The following PABPC4L variants were observed in gnomAD, a reference collection of about 807,000 sequenced individuals.
PABPC4L encodes polyadenylate-binding protein 4-like.
For missense variants in PABPC4L, 452 were observed against 451.4 expected, an observed-to-expected ratio of 1.00 and a Z score of -0.01; for synonymous variants, 169 against 164.1, an observed-to-expected ratio of 1.03 and a Z score of -0.23.
At chr4:134,094,255 G>T in the PABPC4L span, among the ~76,000 whole-genome samples, 1 of 151,650 alleles carries the variant, frequency 6.6e-6, no homozygotes, top group Non-Finnish European at 1.5e-5. Context: ...TTATTGAAAG[G>T]TATCCTCAAC....
chr4:134,065,703 C>G, the PABPC4L span, among the ~76,000 whole-genome samples: 2 of 151,826 alleles, frequency 1.3e-5, no homozygotes, highest in African/African-American at 4.8e-5. Context: ...CATTCTATGA[C>G]CAGAATAGTA....
At chr4:134,056,496 T>G in the PABPC4L span, among the ~76,000 whole-genome samples, 8 of 151,958 alleles carry the variant, frequency 5.3e-5, no homozygotes, top group Non-Finnish European at 1.0e-4. Flanking sequence ...TCTATTTACA[T>G]TTTTCATTTC....
At chr4:133,950,933 G>T in the PABPC4L span, among the ~76,000 whole-genome samples, 1 of 152,124 alleles carries the variant, frequency 6.6e-6, no homozygotes, top group Admixed American at 6.5e-5. Flanking sequence ...CTTTCCAAAG[G>T]TTTGTATCAC....
At chr4:134,032,788 T>C in the PABPC4L span, among the ~76,000 whole-genome samples, 1 of 151,826 alleles carries the variant, frequency 6.6e-6, no homozygotes, top group African/African-American at 2.4e-5. Flanking sequence ...CTTTAATTAT[T>C]CTAGAAAAAA....
chr4:134,072,157 C>T, the PABPC4L span, among the ~76,000 whole-genome samples: 1 of 152,178 alleles, frequency 6.6e-6, no homozygotes, highest in Middle Eastern at 3.4e-3. Context: ...ACATAAATCA[C>T]AAAATGCCTT....
At chr4:133,971,725 A>G in the PABPC4L span, among the ~76,000 whole-genome samples, 2 of 152,116 alleles carry the variant, frequency 1.3e-5, no homozygotes, top group African/African-American at 4.8e-5. Context: ...TTCTGTTTTT[A>G]GCATGTACCA....
downstream of PABPC4L, among the ~76,000 whole-genome samples, chr4:134,193,236 C>T (rs183650461): frequency 3.0e-4 from 45 of 151,314 alleles, no homozygotes; most frequent in Admixed American, 7.2e-4. Context: ...AGAGTTGAAA[C>T]TTACTTTACT....
At chr4:134,045,128 C>A in the PABPC4L span, among the ~76,000 whole-genome samples, 1 of 152,026 alleles carries the variant, frequency 6.6e-6, no homozygotes, top group African/African-American at 2.4e-5. Flanking sequence ...TTATACTTTA[C>A]TAACATTATG....
chr4:134,199,772 C>A lies in PABPC4L; in HGVS notation c.*135G>T. On this transcript the variant is annotated 3_prime_UTR_variant, in exon 2 of 2. Coordinates refer to ENST00000421491, the MANE Select transcript of PABPC4L (RefSeq NM_001114734.2). ...AAAAAAAATGGCTTTGTATAAAAAA[C>A]GTTTTATCATAAAGTTTACTAAACT... The A allele has an allele frequency of 8.5e-7, 1 of 1,180,100 alleles. No individual in the cohort carries two copies. The highest frequency in any genetic ancestry group is 1.7e-5 in the South Asian group (1 of 58,028). The allele number at this position is 1,180,100 out of a possible 1,614,324, so 73.1% of individuals were successfully genotyped here. A position where few individuals can be genotyped will look rare whatever the true frequency, so the allele number is the denominator to read the frequency against.
At chr4:134,193,781 TTAGAACATTAGACTGA>T (rs1287451010), downstream of PABPC4L, among the ~76,000 whole-genome samples, 14 of 151,844 alleles carry the variant, frequency 9.2e-5, no homozygotes, top group East Asian at 2.3e-3. Flanking sequence ...AAAAGAAACA[TTAGAACATTAGACTGA>T]TAGAAAAAAA....
At chr4:134,180,194 A>G in the PABPC4L span, among the ~76,000 whole-genome samples, 2 of 152,234 alleles carry the variant, frequency 1.3e-5, no homozygotes, top group East Asian at 3.9e-4. Flanking sequence ...ACCAACCAGG[A>G]TCTCATACCA....
downstream of PABPC4L, among the ~76,000 whole-genome samples, chr4:134,192,810 T>C (rs1278545671): frequency 6.6e-6 from 1 of 152,058 alleles, no homozygotes; most frequent in Non-Finnish European, 1.5e-5. Flanking sequence ...TTTAAGGTAA[T>C]CAAGATTAAT....
the PABPC4L span, among the ~76,000 whole-genome samples, chr4:134,138,000 C>T: frequency 6.6e-6 from 1 of 151,866 alleles, no homozygotes; most frequent in South Asian, 2.1e-4. Flanking sequence ...TTCCACTACT[C>T]TAAGTATTTT....
the PABPC4L span, among the ~76,000 whole-genome samples, chr4:134,005,521 A>T: frequency 6.6e-6 from 1 of 151,844 alleles, no homozygotes; most frequent in Non-Finnish European, 1.5e-5. Context: ...TTTATAAGGT[A>T]TATTTTAGTA....
At chr4:134,014,813 GT>G in the PABPC4L span, among the ~76,000 whole-genome samples, 3 of 151,918 alleles carry the variant, frequency 2.0e-5, no homozygotes, top group African/African-American at 7.3e-5. Flanking sequence ...CTCCATAACT[GT>G]TGTGGGTATT....
At chr4:133,985,194 G>C in the PABPC4L span, among the ~76,000 whole-genome samples, 1 of 151,894 alleles carries the variant, frequency 6.6e-6, no homozygotes, top group Non-Finnish European at 1.5e-5. Flanking sequence ...ACCTGGAAAT[G>C]CCTAAGAAAA....
At chr4:133,993,786 TGCCAAAAGCCAGTGG>T in the PABPC4L span, among the ~76,000 whole-genome samples, 3 of 152,288 alleles carry the variant, frequency 2.0e-5, no homozygotes, top group South Asian at 6.2e-4. Context: ...GCTTGATTAT[TGCCAAAAGCCAGTGG>T]ACCAGGCAGT....
chr4:134,152,038 T>G, the PABPC4L span, among the ~76,000 whole-genome samples: 5 of 151,958 alleles, frequency 3.3e-5, no homozygotes, highest in Non-Finnish European at 7.4e-5. Flanking sequence ...TTTGCCCAAT[T>G]TTCTAATGGA....
the PABPC4L span, among the ~76,000 whole-genome samples, chr4:134,046,465 C>T: frequency 1.3e-5 from 2 of 152,126 alleles, no homozygotes; most frequent in Admixed American, 1.3e-4. Context: ...TACACCGAGA[C>T]ATTCCCTTCC....
Sources: gnomAD v4.1 joint callset for allele counts (sites outside exome capture counted in the v4.1 genomes callset) on GRCh38, gnomAD v4.1.1 for gene constraint, MANE v1.5 for transcripts, NCBI Gene and HGNC (gene_info 2026-07-23, HGNC 2026-07-21) for gene names.